The following ABCB10 variants were observed in gnomAD, a reference collection of about 807,000 sequenced individuals.
ABCB10 encodes ATP binding cassette subfamily B member 10, also known as ATP-binding cassette sub-family B member 10, mitochondrial.
ABCB10 carries 54 observed loss-of-function variants against 65.4 expected under a neutral mutation model. The observed-to-expected ratio is 0.83, with a 90% CI of 0.66 to 1.04. ABCB10 has a LOEUF of 1.04. Among genes scored for constraint, ABCB10 ranks in the 50% least tolerant of loss-of-function variants. The pLI is 0.00. For synonymous variants in ABCB10, 418 were observed against 406.5 expected, an observed-to-expected ratio of 1.03 and a Z score of -0.34; for missense variants, 846 against 976.6, an observed-to-expected ratio of 0.87 and a Z score of 1.78.
intron 9 of ABCB10, 58 bp downstream of exon 9, chr1:229,527,171 A>G: frequency 6.7e-7 from 1 of 1,499,052 alleles, no homozygotes; most frequent in Non-Finnish European, 9.1e-7. Flanking sequence ...AAAAAAAAGC[A>G]AAAGACAAAA....
At position 229,540,626 on chromosome 1, in the gene ABCB10, G is replaced by A. The variant is rs377673380; in HGVS notation, c.1183C>T (p.Arg395Trp). The A allele has an allele frequency of 3.7e-5, 59 of 1,611,204 alleles. No individual in the cohort carries two copies. The East Asian group carries it at 5.6e-4, about 15-fold the overall frequency. ...CTTACTGCTCCAAAGAAACCAGCCC[G>A]GGCGAATGCCTCTTTCCTTGCTAAC... ...MQLARKEAFARAGFFGATGLS... is the reference protein window; with the variant it reads ...MQLARKEAFAWAGFFGATGLS... The change falls in exon 5 of 13, where the codon CGG becomes TGG. Residue 395 changes from arginine (R) to tryptophan (W), a missense_variant. Physicochemically the swap from Arg to Trp is moderately radical, Grantham distance 101. This residue lies in a region of ABCB10 where 632 missense variants were observed against 803.2 expected (regional missense o/e 0.79). Coordinates refer to ENST00000344517, the MANE Select transcript of ABCB10 (RefSeq NM_012089.3).
rs572050882 is a variant in ABCB10 at position 229,518,314 on chromosome 1, G to T, written c.2082C>A (p.Thr694=). The change falls in exon 13 of 13, where the codon ACC becomes ACA. Residue 694 remains threonine, a synonymous_variant. Coordinates refer to ENST00000344517, the MANE Select transcript of ABCB10 (RefSeq NM_012089.3). ...TVLVIAHRLS[T]IKNANMVAVL... ...CAGCAACCATATTAGCATTCTTAAT[G>T]GTGGACAGACGATGGGCAATAACTA... 5.6e-6 allele frequency: 9 copies of T among 1,614,148 alleles called. No individual in the cohort carries two copies. The highest frequency in any genetic ancestry group is 7.6e-6 in the Non-Finnish European group (9 of 1,180,030).
Position 229,531,686 on chromosome 1 carries a change from C to T in ABCB10, c.1385G>A (p.Gly462Glu), listed in dbSNP as rs1250248039. The change falls in exon 7 of 13, where the codon GGG becomes GAG. Residue 462 changes from glycine to glutamate, a missense_variant. Physicochemically the swap from Gly to Glu is moderately conservative, Grantham distance 98 (BLOSUM62 -2). Around this residue, in one of 2 missense-constraint regions of ABCB10, gnomAD observed 632 missense variants for 803.2 expected, o/e 0.79. Coordinates refer to ENST00000344517, the MANE Select transcript of ABCB10 (RefSeq NM_012089.3). ...CTCCAGGAGCTCCCAGAGGCGCCCCCCTGCACCCAGTCCTTTCATCAGCTC... is the reference window on the plus strand; with the variant it reads ...CTCCAGGAGCTCCCAGAGGCGCCCCTCTGCACCCAGTCCTTTCATCAGCTC... ...YSELMKGLGA[G>E]GRLWELLERE... The T allele has an allele frequency of 6.2e-7, 1 of 1,613,948 alleles. No homozygotes were observed. Among genetic ancestry groups the T allele is most frequent in the East Asian group, 2.2e-5 (1 of 44,878 alleles).
chr1:229,521,632 C>A lies in ABCB10; in HGVS notation c.1910G>T (p.Gly637Val). 1 of 1,612,764 alleles carries A rather than the reference C, an allele frequency of 6.2e-7. No homozygotes were observed. Among genetic ancestry groups the A allele is most frequent in the Non-Finnish European group, 8.5e-7 (1 of 1,179,342 alleles). The change falls in exon 11 of 13, where the codon GGG (glycine) becomes GTG (valine). Residue 637 changes from glycine to valine, a missense_variant. Physicochemically the swap from Gly to Val is moderately radical, Grantham distance 109. Transcript: ENST00000344517. ...VGEKGVLLSG[G>V]QKQRIAIARA... ...GGCAATCGCAATCCGCTGTTTCTGC[C>A]CACCTGACAAAGACAACATTTAAAA...
At chr1:229,540,484 T>C in intron 5 of ABCB10, 122 bp downstream of exon 5, 1 of 1,034,716 alleles carries the variant, frequency 9.7e-7, no homozygotes, top group Non-Finnish European at 1.3e-6. Context: ...TTCTTGGCCT[T>C]GAAATTAAGA....
chr1:229,553,596 A>T (rs1476325077), intron 1 of ABCB10, among the ~76,000 whole-genome samples: 25 of 151,860 alleles, frequency 1.6e-4, no homozygotes, highest in Non-Finnish European at 4.4e-5. Context: ...GTTGGATGTG[A>T]GCATTTTTCC....
chr1:229,542,114 T>C (rs956772590), intron 4 of ABCB10, 123 bp downstream of exon 4: 4 of 1,285,748 alleles, frequency 3.1e-6, no homozygotes, highest in Admixed American at 3.1e-5. Context: ...GGGTAATTTC[T>C]AATGAAAGGA....
chr1:229,525,829 C>G (rs1452893247), intron 10 of ABCB10, 107 bp downstream of exon 10: 5 of 1,374,800 alleles, frequency 3.6e-6, no homozygotes, highest in African/African-American at 1.5e-5. Flanking sequence ...CAGAGCAAGA[C>G]TCAAGACTCC....
Position 229,530,268 on chromosome 1 carries a change from C to T in ABCB10, c.1576G>A (p.Val526Ile). The change falls in exon 8 of 13, where the codon GTT becomes ATT. Residue 526 changes from valine (V) to isoleucine (I), a missense_variant. Transcript: ENST00000344517. ...SIPSGSVTAL[V>I]GPSGSGKSTV... Reference sequence around the variant, plus strand: ...GATTTGCCAGAACCACTTGGGCCAACCAGTGCCGTGACAGATCCTGACGGA... The same window carrying T: ...GATTTGCCAGAACCACTTGGGCCAATCAGTGCCGTGACAGATCCTGACGGA... 1 of 1,614,106 alleles carries T rather than the reference C, an allele frequency of 6.2e-7. No individual in the cohort carries two copies. Among genetic ancestry groups the T allele is most frequent in the Non-Finnish European group, 8.5e-7 (1 of 1,180,022 alleles).
chr1:229,558,340 A>T lies in ABCB10; in HGVS notation c.313T>A (p.Phe105Ile). ...AGCCGAGGAGCGCCTGGCCCGGCAAAAGCCCCGCACCTGCAGCTGCCGGGG... is the reference window on the plus strand; with the variant it reads ...AGCCGAGGAGCGCCTGGCCCGGCAATAGCCCCGCACCTGCAGCTGCCGGGG... ...RGPGSCRCGA[F>I]AGPGAPRLPR... is the part of the protein sequence containing the mutation. Residue 105 changes from phenylalanine (F) to isoleucine (I), a missense_variant, in exon 1 of 13, where the codon TTT (phenylalanine) becomes ATT (isoleucine). Phe to Ile is a conservative substitution (Grantham distance 21, BLOSUM62 0). Around this residue, in one of 2 missense-constraint regions of ABCB10, gnomAD observed 214 missense variants for 173.5 expected, o/e 1.23. Coordinates refer to ENST00000344517, the MANE Select transcript of ABCB10 (RefSeq NM_012089.3). The T allele has an allele frequency of 8.0e-7, 1 of 1,255,730 alleles. No homozygotes were observed. Among genetic ancestry groups the T allele is most frequent in the South Asian group, 2.0e-5 (1 of 49,250 alleles). 77.8% of individuals were successfully genotyped at this position (1,255,730 alleles called of 1,614,324 possible).
At chr1:229,546,158 C>G (rs1366090969) in intron 3 of ABCB10, among the ~76,000 whole-genome samples, 1 of 143,464 alleles carries the variant, frequency 7.0e-6, no homozygotes, top group African/African-American at 2.6e-5. Flanking sequence ...GATGACAGTG[C>G]GATACTCCGT....
At position 229,541,516 on chromosome 1, in the gene ABCB10, C is replaced by T. The variant is rs538239786; in HGVS notation, c.1056+721G>A. Among the ~76,000 whole-genome samples the T allele has an allele frequency of 5.3e-5, 8 of 152,334 alleles. No individual in the cohort carries two copies. In the South Asian group the frequency reaches 1.2e-3, roughly 24 times the overall value. The stretch of plus-strand genomic sequence containing the variant: ...TGCTGGGATTATAGGCATGAGCCAC[C>T]GCACCTGGCCATTTTTAATTTTTGA... On this transcript the variant is annotated intron_variant, in intron 4 of 12. Transcript: ENST00000344517.
chr1:229,555,955 A>G (rs1407001572), intron 1 of ABCB10, among the ~76,000 whole-genome samples: 1 of 148,212 alleles, frequency 6.7e-6, no homozygotes, highest in East Asian at 2.0e-4. Context: ...ATAACATACA[A>G]TATGTATTTA....
At position 229,558,470 on chromosome 1, in the gene ABCB10, G is replaced by A. The variant is rs1444224648; in HGVS notation, c.183C>T (p.Gly61=). The change falls in exon 1 of 13, where the codon GGC becomes GGT. Residue 61 remains glycine (G), a synonymous_variant. Transcript: ENST00000344517. ...LWGAGPALLW[G]VGAARRWRSG... ...TCCTCCAGCGGCGCGCGGCTCCAAC[G>A]CCCCAGAGCAGCGCGGGCCCCGCGC... 4.9e-6 allele frequency: 6 copies of A among 1,233,100 alleles called. No homozygotes were observed. In the East Asian group the frequency reaches 2.1e-4, roughly 43 times the overall value. 76.4% of individuals were successfully genotyped at this position (1,233,100 alleles called of 1,614,324 possible). A position where few individuals can be genotyped will look rare whatever the true frequency, so the allele number is the denominator to read the frequency against.
At chr1:229,529,032 C>G (rs1280544137) in intron 8 of ABCB10, among the ~76,000 whole-genome samples, 2 of 152,116 alleles carry the variant, frequency 1.3e-5, no homozygotes, top group African/African-American at 4.8e-5. Context: ...TGGCTCACGC[C>G]TGTAATCCCA....
intron 1 of ABCB10, among the ~76,000 whole-genome samples, chr1:229,550,494 C>T (rs1336706358): frequency 7.5e-6 from 1 of 133,864 alleles, no homozygotes; most frequent in African/African-American, 3.0e-5. Context: ...CACTGCACTC[C>T]AGCCTGGGTG....
At chr1:229,523,616 C>A (rs201264944) in intron 10 of ABCB10, among the ~76,000 whole-genome samples, 1 of 152,088 alleles carries the variant, frequency 6.6e-6, no homozygotes, top group Non-Finnish European at 1.5e-5. Flanking sequence ...TGGCTTAGGT[C>A]CCCTCTGAGT....
Position 229,518,858 on chromosome 1 carries a change from G to C in ABCB10, c.1968C>G (p.Leu656=), listed in dbSNP as rs115501701. 1,283 of 1,599,144 alleles carry C rather than the reference G, an allele frequency of 8.0e-4. 10 individuals are homozygous for C. In the African/African-American group the frequency reaches 0.011, roughly 14 times the overall value. ...ATCCTCACCTGGTTGCTTCATCTAGGAGAAGAATTTTGGGATTCTGAAGAA... is the reference window on the plus strand; with the variant it reads ...ATCCTCACCTGGTTGCTTCATCTAGCAGAAGAATTTTGGGATTCTGAAGAA... ...RALLKNPKIL[L]LDEATSALDA... Residue 656 remains leucine, a synonymous_variant, in exon 12 of 13, where the codon CTC becomes CTG. Transcript: ENST00000344517.
rs1662209865 is a variant in ABCB10 at position 229,517,814 on chromosome 1, G to T, written c.*365C>A. On this transcript the variant is annotated 3_prime_UTR_variant, in exon 13 of 13. Transcript: ENST00000344517. ...TTGGTAAACTGGCCTAAAATAATCA[G>T]GCTTTTTATTTATAATTGCCTTTTT... is the stretch of plus-strand genomic sequence containing the variant. The T allele has an allele frequency of 5.4e-6, 1 of 184,376 alleles. No individual in the cohort carries two copies. The highest frequency in any genetic ancestry group is 1.1e-5 in the Non-Finnish European group (1 of 89,462). The allele number at this position is 184,376 out of a possible 1,614,324, so 11.4% of individuals were successfully genotyped here. A position where few individuals can be genotyped will look rare whatever the true frequency, so the allele number is the denominator to read the frequency against.
Sources: allele counts gnomAD v4.1 joint callset (sites outside exome capture counted in the v4.1 genomes callset), GRCh38; gene constraint gnomAD v4.1.1; regional missense constraint gnomAD v4.1.1; transcripts MANE v1.5; gene names NCBI Gene and HGNC (gene_info 2026-07-23, HGNC 2026-07-21).